The following FBN3 variants were observed in gnomAD, a reference collection of about 807,000 sequenced individuals.
The protein encoded by FBN3 is fibrillin 3.
Under a neutral mutation model 330.1 loss-of-function variants are expected in FBN3, and 234 were observed. That is an observed-to-expected ratio of 0.71 (90% confidence interval 0.64 to 0.79). The LOEUF (loss-of-function observed/expected upper bound fraction) is 0.79, where lower values mean the gene tolerates loss of function less well. Ranked by LOEUF, FBN3 falls within the 30% of genes least tolerant of loss-of-function variation. The pLI is 0.00. For missense variants in FBN3, 3,606 were observed against 3,886.9 expected, an observed-to-expected ratio of 0.93 and a Z score of 1.92; for synonymous variants, 1,458 against 1,517.3, an observed-to-expected ratio of 0.96 and a Z score of 0.91.
intron 6 of FBN3, among the ~76,000 whole-genome samples, chr19:8,143,186 C>T (rs1342993051): frequency 6.6e-6 from 1 of 152,086 alleles, no homozygotes; most frequent in African/African-American, 2.4e-5. Flanking sequence ...CTCTGCTGGC[C>T]CTTCCTTCTC....
At position 8,103,594 on chromosome 19, in the gene FBN3, T is replaced by C; in HGVS notation, c.4907A>G (p.Tyr1636Cys). 1 of 1,613,688 alleles carries C rather than the reference T, an allele frequency of 6.2e-7. No homozygotes were observed. Among genetic ancestry groups the C allele is most frequent in the Non-Finnish European group, 8.5e-7 (1 of 1,179,762 alleles). ...GTTGTTGCCACCATTGACTTGGAGG[T>C]ACTCTGCAGGGCAGACACAGGTGTA... ...GNYTCVCPAE[Y>C]LQVNGGNNCM... is the part of the protein sequence containing the mutation. Residue 1636 changes from tyrosine (Y) to cysteine (C), a missense_variant, in exon 39 of 64, where the codon TAC becomes TGC. By Grantham distance (194) the Tyr-to-Cys change is radical (BLOSUM62 -2). Coordinates refer to ENST00000600128, the MANE Select transcript of FBN3 (RefSeq NM_032447.5).
intron 18 of FBN3, among the ~76,000 whole-genome samples, chr19:8,128,536 C>T (rs1339053264): frequency 6.7e-6 from 1 of 149,690 alleles, no homozygotes; most frequent in African/African-American, 2.5e-5. Flanking sequence ...GCACTCCAGC[C>T]TGGGTGATAG....
rs76473903 is a variant in FBN3, at chr19:8,131,072, C to T, written c.2044+163G>A. ...CGCACCTTGATCTCCGACCTCTGGCCTGCAGGAGTGTGAGAGAATCAGCTT... is the reference window on the plus strand; with the variant it reads ...CGCACCTTGATCTCCGACCTCTGGCTTGCAGGAGTGTGAGAGAATCAGCTT... On this transcript the variant is annotated intron_variant, in intron 16 of 63. Transcript: ENST00000600128. The surrounding 1 kb of genome is among the most constrained non-coding windows in gnomAD (Gnocchi z 4.5). Among the ~76,000 whole-genome samples, 651 of 152,264 alleles carry T rather than the reference C, an allele frequency of 4.3e-3. 2 individuals carry two copies. The highest frequency in any genetic ancestry group is 0.024 in the Middle Eastern group (7 of 294).
chr19:8,089,329 A>G (rs1053410320), intron 51 of FBN3, among the ~76,000 whole-genome samples: 2 of 152,222 alleles, frequency 1.3e-5, no homozygotes, highest in Admixed American at 6.5e-5. Flanking sequence ...GAGTAAATGA[A>G]TAAGTGAGTG....
rs953251138 is a variant in FBN3, at chr19:8,136,817, G to T, written c.1202-286C>A. Among the ~76,000 whole-genome samples, 4 of 143,496 alleles carry T rather than the reference G, an allele frequency of 2.8e-5. No homozygotes were observed. The South Asian group carries it at 9.2e-4, about 33-fold the overall frequency. The allele number at this position is 143,496 out of a possible 152,430, so 94.1% of individuals were successfully genotyped here. A position where few individuals can be genotyped will look rare whatever the true frequency, so the allele number is the denominator to read the frequency against. ...TGGGCCTGGATCCCTCCAACCTGGGGTCTAGATACCTCCAACCTGGGGCCT... is the reference window on the plus strand; with the variant it reads ...TGGGCCTGGATCCCTCCAACCTGGGTTCTAGATACCTCCAACCTGGGGCCT... On this transcript the variant is annotated intron_variant, in intron 10 of 63. Transcript: ENST00000600128.
chr19:8,076,144 C>T (rs887830168), intron 59 of FBN3, among the ~76,000 whole-genome samples: 4 of 152,036 alleles, frequency 2.6e-5, no homozygotes, highest in Non-Finnish European at 4.4e-5. Flanking sequence ...CCTCACAGAA[C>T]CAGCCGTGCT....
Position 8,089,541 on chromosome 19 carries a change from T to A in FBN3, c.6376+4A>T. On this transcript the variant is annotated splice_donor_region_variant and intron_variant, in intron 51 of 63. Coordinates refer to ENST00000600128, the MANE Select transcript of FBN3 (RefSeq NM_032447.5). ...ACAGAGCTGGGGAAGGGCTGGCCAC[T>A]CACCCACACAGTTGATGCCAGTGAA... 6.2e-7 allele frequency: 1 copy of A among 1,613,972 alleles called. No homozygotes were observed. Among genetic ancestry groups the A allele is most frequent in the South Asian group, 1.1e-5 (1 of 91,076 alleles).
chr19:8,115,743 C>A, intron 29 of FBN3, 103 bp from the exon 30 acceptor site: 1 of 1,359,674 alleles, frequency 7.4e-7, no homozygotes. Flanking sequence ...CTGACTGTCC[C>A]GCCGCACAGG....
chr19:8,123,372 G>T, intron 24 of FBN3, 92 bp downstream of exon 24: 5 of 1,321,518 alleles, frequency 3.8e-6, no homozygotes, highest in Non-Finnish European at 5.2e-6. Flanking sequence ...AAAAGAAGAA[G>T]AAAAAGAACA....
chr19:8,149,340 G>T lies in FBN3; in HGVS notation c.-18+109C>A, dbSNP rs981808448. On this transcript the variant is annotated intron_variant, in intron 1 of 63. Coordinates refer to ENST00000600128, the MANE Select transcript of FBN3 (RefSeq NM_032447.5). This position sits in a 1 kb window ranked among gnomAD's most constrained non-coding sequence, Gnocchi z 5.5. ...GCTGGGCCCGGGGCTGCCCGGCTGC[G>T]AACAAAGGAATCCTCTCCCCCTCCC... The T allele has an allele frequency of 1.3e-5, 2 of 151,672 alleles. No homozygotes were observed. Among genetic ancestry groups the T allele is most frequent in the Middle Eastern group, 3.2e-3 (1 of 312 alleles). The allele number at this position is 151,672 out of a possible 1,614,324, so 9.4% of individuals were successfully genotyped here.
At position 8,144,958 on chromosome 19, in the gene FBN3, C is replaced by T. The variant is rs1381939281; in HGVS notation, c.460G>A (p.Gly154Ser). The part of the protein sequence containing the change: ...TVCGQPICDR[G>S]CHNGGRCIGP... The stretch of plus-strand genomic sequence containing the variant: ...ATGCAGCGACCCCCATTGTGGCAGC[C>T]GCGGTCACAGATGGCTGTGGAGGAG... The change falls in exon 6 of 64, where the codon GGC becomes AGC. Residue 154 changes from glycine (G) to serine (S), a missense_variant. Transcript: ENST00000600128. 8 of 1,610,574 alleles carry T rather than the reference C, an allele frequency of 5.0e-6. No individual in the cohort carries two copies. The highest frequency in any genetic ancestry group is 6.8e-6 in the Non-Finnish European group (8 of 1,179,212).
chr19:8,065,697 G>C lies in FBN3; in HGVS notation c.*222C>G, dbSNP rs981582465. On this transcript the variant is annotated 3_prime_UTR_variant, in exon 64 of 64. Transcript: ENST00000600128. ...GGGGGCAGGGGGATTGCACATTGCA[G>C]CTTCTTGCTGTCTCCAGGAAAGACT... 1.8e-6 allele frequency: 1 copy of C among 543,782 alleles called. No individual in the cohort carries two copies. The highest frequency in any genetic ancestry group is 1.9e-5 in the African/African-American group (1 of 52,354). The allele number at this position is 543,782 out of a possible 1,614,324, so 33.7% of individuals were successfully genotyped here. A position where few individuals can be genotyped will look rare whatever the true frequency, so the allele number is the denominator to read the frequency against.
Position 8,088,067 on chromosome 19 carries a change from G to T in FBN3, c.6489C>A (p.Thr2163=), listed in dbSNP as rs773083899. ...GGGCAAGCAGAGTTGTACCCTCGCAGGTCATCATGAGGCCAGGCTCAAAGC... is the reference window on the plus strand; with the variant it reads ...GGGCAAGCAGAGTTGTACCCTCGCATGTCATCATGAGGCCAGGCTCAAAGC... ...ADGFEPGLMM[T]CEDIDECSLN... The change falls in exon 52 of 64, where the codon ACC becomes ACA. Residue 2163 remains threonine, a synonymous_variant. Coordinates refer to ENST00000600128, the MANE Select transcript of FBN3 (RefSeq NM_032447.5). The T allele has an allele frequency of 1.1e-5, 18 of 1,614,022 alleles. No individual in the cohort carries two copies. In the Admixed American group the frequency reaches 1.7e-4, roughly 15 times the overall value.
intron 20 of FBN3, 24 bp downstream of exon 20, chr19:8,126,444 G>A (rs1056270077): frequency 1.2e-6 from 2 of 1,605,736 alleles, no homozygotes; most frequent in Non-Finnish European, 1.7e-6. Flanking sequence ...ATGGGTGCCT[G>A]GGAGGCCTCA....
At chr19:8,119,046 G>C (rs759944541) in intron 25 of FBN3, 24 bp from the exon 26 acceptor site, 26 of 1,582,484 alleles carry the variant, frequency 1.6e-5, no homozygotes, top group Non-Finnish European at 2.1e-5. Flanking sequence ...TGGAAAGAGA[G>C]AGCAGGCATG....
chr19:8,081,918 T>A (rs62124727), intron 57 of FBN3, among the ~76,000 whole-genome samples: 47,848 of 148,056 alleles, frequency 0.32, 7,851 homozygotes, highest in Admixed American at 0.41. Context: ...AGGGTGGGGG[T>A]GGGAGAACGA....
At chr19:8,140,021 C>A (rs1026593467) in intron 8 of FBN3, among the ~76,000 whole-genome samples, 1 of 152,122 alleles carries the variant, frequency 6.6e-6, no homozygotes, top group African/African-American at 2.4e-5. Context: ...TCAAAGGGGA[C>A]TGGGCCTGCC....
chr19:8,098,114 T>A (rs776762491), intron 41 of FBN3, among the ~76,000 whole-genome samples: 2 of 152,228 alleles, frequency 1.3e-5, no homozygotes, highest in African/African-American at 4.8e-5. Context: ...GAGGGCACTT[T>A]AAATGGGTGA....
Position 8,069,201 on chromosome 19 carries a change from G to A in FBN3, c.8088+2847C>T, listed in dbSNP as rs562914725. Among the ~76,000 whole-genome samples, 5 of 152,212 alleles carry A rather than the reference G, an allele frequency of 3.3e-5. No individual in the cohort carries two copies. The South Asian group carries it at 1.0e-3, about 32-fold the overall frequency. ...AGCTTCCGCTGTGCTTCCTGCATCT[G>A]GCCCTCTTTGAGAGCCCCTTGTGTG... On this transcript the variant is annotated intron_variant, in intron 63 of 63. Transcript: ENST00000600128.
Sources: allele counts gnomAD v4.1 joint callset (sites outside exome capture counted in the v4.1 genomes callset), GRCh38; gene constraint gnomAD v4.1.1; non-coding constraint Gnocchi (gnomAD v3.1); transcripts MANE v1.5; gene names NCBI Gene and HGNC (gene_info 2026-07-23, HGNC 2026-07-21).